Variants in SUCLG2 observed in about 807,000 individuals in gnomAD.
The protein encoded by SUCLG2 is succinate--CoA ligase [GDP-forming] subunit beta, mitochondrial.
A neutral mutation model predicts 47.9 loss-of-function variants in SUCLG2; 42 were observed. The observed-to-expected ratio is 0.88, with a 90% CI of 0.69 to 1.14. SUCLG2 has a LOEUF of 1.14. Ranked by LOEUF, SUCLG2 falls within the 50% of genes most tolerant of loss-of-function variation. The probability of loss-of-function intolerance (pLI) is 0.00; values close to 1 mark genes in which losing one functional copy is unlikely to be tolerated. For missense variants in SUCLG2, 571 were observed against 525.9 expected (o/e 1.09, Z -0.84); for synonymous variants, 195 against 197.3 (o/e 0.99, Z 0.10).
chr3:67,511,854 G>T (rs4856788), intron 6 of SUCLG2, among the ~76,000 whole-genome samples: 37,380 of 146,712 alleles, frequency 0.25, 8,184 homozygotes, highest in African/African-American at 0.57. Context: ...TGTGTGGGGG[G>T]GTGTGTGTGT....
At chr3:67,450,406 A>T (rs1704028350) in intron 9 of SUCLG2, among the ~76,000 whole-genome samples, 1 of 152,228 alleles carries the variant, frequency 6.6e-6, no homozygotes. Flanking sequence ...GAGCCAAAGC[A>T]AAGTGTTTAA....
chr3:67,550,095 G>A (rs900357426), intron 2 of SUCLG2, among the ~76,000 whole-genome samples: 2 of 152,122 alleles, frequency 1.3e-5, no homozygotes, highest in Admixed American at 6.6e-5. Context: ...CTAATCCTCT[G>A]ATTGAACACC....
At chr3:67,447,348 T>C (rs1703951204) in intron 9 of SUCLG2, among the ~76,000 whole-genome samples, 1 of 152,144 alleles carries the variant, frequency 6.6e-6, no homozygotes, top group South Asian at 2.1e-4. Flanking sequence ...ATATAGAAAA[T>C]ATGATTTTAT....
rs186208703 is a variant in SUCLG2, at chr3:67,449,864, T to G, written c.1062+45934A>C. On this transcript the variant is annotated intron_variant, in intron 9 of 10. Transcript: ENST00000307227. Reference sequence around the variant, plus strand: ...CCTGGCCTCAAGTGATCCACCTGCATGGCCTCCAAAAGTGATGGGATTACA... The same window carrying G: ...CCTGGCCTCAAGTGATCCACCTGCAGGGCCTCCAAAAGTGATGGGATTACA... 1.1e-3 allele frequency among the ~76,000 whole-genome samples: 175 copies of G among 152,308 alleles called. 1 individual carries two copies. Among genetic ancestry groups the G allele is most frequent in the Non-Finnish European group, 1.9e-3 (130 of 68,030 alleles).
intron 2 of SUCLG2, among the ~76,000 whole-genome samples, chr3:67,539,376 T>C (rs1219534476): frequency 2.0e-5 from 3 of 152,212 alleles, no homozygotes; most frequent in Admixed American, 6.5e-5. Context: ...GATTTGTGTA[T>C]GTTGAACCAG....
intron 9 of SUCLG2, among the ~76,000 whole-genome samples, chr3:67,474,139 A>G (rs1704682730): frequency 6.6e-6 from 1 of 152,154 alleles, no homozygotes; most frequent in Non-Finnish European, 1.5e-5. Context: ...AGGCGCCTGT[A>G]GTCCCAGATA....
In SUCLG2 at chr3:67,654,562, C is replaced by T. The variant is rs1701352977; in HGVS notation, c.25G>A (p.Ala9Thr). MASPVAAQ[A>T]GKLLRALALR... Reference sequence around the variant, plus strand: ...GCTAGGGCTCGCAGAAGCTTCCCGGCCTGCGCTGCTACGGGGGACGCCATC... The same window carrying T: ...GCTAGGGCTCGCAGAAGCTTCCCGGTCTGCGCTGCTACGGGGGACGCCATC... Residue 9 changes from alanine to threonine, a missense_variant, in exon 1 of 11, where the codon GCC becomes ACC. Coordinates refer to ENST00000307227, the MANE Select transcript of SUCLG2 (RefSeq NM_003848.4). The T allele has an allele frequency of 2.4e-6, 3 of 1,273,274 alleles. No individual in the cohort carries two copies. Among genetic ancestry groups the T allele is most frequent in the East Asian group, 2.9e-5 (1 of 34,072 alleles). 78.9% of individuals were successfully genotyped at this position (1,273,274 alleles called of 1,614,324 possible). A position where few individuals can be genotyped will look rare whatever the true frequency, so the allele number is the denominator to read the frequency against.
At chr3:67,484,413 T>C (rs940964574) in intron 9 of SUCLG2, among the ~76,000 whole-genome samples, 2 of 152,128 alleles carry the variant, frequency 1.3e-5, no homozygotes, top group African/African-American at 4.8e-5. Context: ...TATATGGAAA[T>C]AAAAAAATAG....
intron 10 of SUCLG2, among the ~76,000 whole-genome samples, chr3:67,394,341 C>T (rs1244625921): frequency 6.6e-6 from 1 of 151,268 alleles, no homozygotes; most frequent in Non-Finnish European, 1.5e-5. Flanking sequence ...GCTGATGGAG[C>T]TGAAAGCCAA....
At chr3:67,489,372 CAG>C (rs1399673771) in intron 9 of SUCLG2, among the ~76,000 whole-genome samples, 2 of 152,088 alleles carry the variant, frequency 1.3e-5, no homozygotes, top group Non-Finnish European at 2.9e-5. Context: ...CTAGCTTATG[CAG>C]AGTGACTTCC....
At chr3:67,420,885 T>C (rs1374326223) in intron 9 of SUCLG2, among the ~76,000 whole-genome samples, 1 of 152,218 alleles carries the variant, frequency 6.6e-6, no homozygotes, top group Non-Finnish European at 1.5e-5. Context: ...CATCTTTTCC[T>C]TTCCCCTTGC....
chr3:67,379,083 A>T (rs1012350218), intron 10 of SUCLG2, among the ~76,000 whole-genome samples: 1 of 152,086 alleles, frequency 6.6e-6, no homozygotes, highest in African/African-American at 2.4e-5. Flanking sequence ...AGTAGCTGGG[A>T]TGAGAGGCAG....
At chr3:67,407,674 A>G (rs1056753513) in intron 9 of SUCLG2, among the ~76,000 whole-genome samples, 1 of 152,206 alleles carries the variant, frequency 6.6e-6, no homozygotes, top group African/African-American at 2.4e-5. Context: ...GTCTGTGCCT[A>G]TTCCAATCAC....
At chr3:67,614,130 T>C (rs1700582084) in intron 1 of SUCLG2, among the ~76,000 whole-genome samples, 1 of 152,128 alleles carries the variant, frequency 6.6e-6, no homozygotes, top group African/African-American at 2.4e-5. Context: ...ATCTCTCAGA[T>C]AATCCATGAA....
chr3:67,519,707 A>G (rs1001758639), intron 5 of SUCLG2, among the ~76,000 whole-genome samples: 1 of 152,204 alleles, frequency 6.6e-6, no homozygotes. Flanking sequence ...GGAAAATTGT[A>G]ATGTAATTTT....
intron 9 of SUCLG2, among the ~76,000 whole-genome samples, chr3:67,430,415 A>T (rs1311255176): frequency 1.3e-5 from 2 of 152,226 alleles, no homozygotes; most frequent in African/African-American, 4.8e-5. Context: ...GAACAAAGAC[A>T]CAACATACCA....
intron 9 of SUCLG2, among the ~76,000 whole-genome samples, chr3:67,411,397 T>C (rs1204615261): frequency 1.3e-5 from 2 of 152,128 alleles, no homozygotes; most frequent in East Asian, 3.9e-4. Context: ...TGTGAGGTTT[T>C]AGGCATCTGT....
At chr3:67,486,067 T>C (rs1397017060) in intron 9 of SUCLG2, among the ~76,000 whole-genome samples, 5 of 152,136 alleles carry the variant, frequency 3.3e-5, no homozygotes, top group Admixed American at 2.0e-4. Context: ...GCCCAGGAGT[T>C]TGAGACCAGG....
At chr3:67,637,991 T>TA (rs1376818695) in intron 1 of SUCLG2, among the ~76,000 whole-genome samples, 3 of 152,220 alleles carry the variant, frequency 2.0e-5, no homozygotes, top group Non-Finnish European at 4.4e-5. Flanking sequence ...TCCTAGGAAG[T>TA]GCTGTTTACT....
Sources: allele counts gnomAD v4.1 joint callset (sites outside exome capture counted in the v4.1 genomes callset), GRCh38; gene constraint gnomAD v4.1.1; transcripts MANE v1.5; gene names NCBI Gene and HGNC (gene_info 2026-07-23, HGNC 2026-07-21).